The following SLC5A11 variants were observed in gnomAD, a reference collection of about 807,000 sequenced individuals.
SLC5A11 encodes the protein sodium/myo-inositol cotransporter 2.
In SLC5A11, 48 loss-of-function variants were observed where a neutral mutation model predicts 69.8. That is an observed-to-expected ratio of 0.69 (90% CI 0.55 to 0.87). The LOEUF (loss-of-function observed/expected upper bound fraction) is 0.87. Ranked by LOEUF, SLC5A11 falls within the 40% of genes least tolerant of loss-of-function variation. The pLI, the probability that SLC5A11 is intolerant of heterozygous loss-of-function variation, is 0.00. For missense variants in SLC5A11, 784 were observed against 866.1 expected, an observed-to-expected ratio of 0.91 and a Z score of 1.19; for synonymous variants, 319 against 342.4, an observed-to-expected ratio of 0.93 and a Z score of 0.75.
intron 7 of SLC5A11, among the ~76,000 whole-genome samples, chr16:24,882,209 C>T (rs1486330607): frequency 2.0e-5 from 3 of 152,116 alleles, no homozygotes; most frequent in East Asian, 1.9e-4. Context: ...GGGAGCTCAC[C>T]GGCTATTTGG....
chr16:24,875,759 C>A, intron 6 of SLC5A11, 28 bp downstream of exon 7: 2 of 1,568,598 alleles, frequency 1.3e-6, no homozygotes, highest in East Asian at 2.2e-5. Context: ...CCTGGCCTCA[C>A]CCATGCAGCA....
At chr16:24,873,247 GAGGAAGGAAGGAAGGA>G (rs549215226) in intron 5 of SLC5A11, among the ~76,000 whole-genome samples, 1,102 of 101,476 alleles carry the variant, frequency 0.011, 23 homozygotes, top group African/African-American at 0.032. Flanking sequence ...GAGAGGGAGG[GAGGAAGGAAGGAAGGA>G]AGGAAGGAAG....
chr16:24,884,076 G>A, exon 8 of SLC5A11: 1 of 1,614,042 alleles, frequency 6.2e-7, no homozygotes, highest in South Asian at 1.1e-5. Flanking sequence ...TGATCTACAC[G>A]GATGCCCTGC....
chr16:24,901,564 A>T (rs2049594791), intron 10 of SLC5A11, among the ~76,000 whole-genome samples: 1 of 151,186 alleles, frequency 6.6e-6, no homozygotes, highest in South Asian at 2.1e-4. Context: ...GCAGTGAGCC[A>T]TGATCAGTGC....
intron 1 of SLC5A11, among the ~76,000 whole-genome samples, chr16:24,850,367 C>G (rs957607683): frequency 6.6e-6 from 1 of 152,210 alleles, no homozygotes; most frequent in African/African-American, 2.4e-5. Flanking sequence ...CAGTTCTAGT[C>G]CCAGACAGCC....
intron 7 of SLC5A11, among the ~76,000 whole-genome samples, chr16:24,879,294 G>A (rs533973787): frequency 6.6e-5 from 10 of 152,172 alleles, no homozygotes; most frequent in East Asian, 3.9e-4. Flanking sequence ...TCTGGGGTAC[G>A]AATGGATCCA....
At chr16:24,846,347 G>A (rs911595289) in exon 1 of SLC5A11, 8 of 152,436 alleles carry the variant, frequency 5.2e-5, no homozygotes, top group African/African-American at 1.9e-4. Flanking sequence ...GAGGATCCCG[G>A]GTATCTCCCT....
intron 1 of SLC5A11, among the ~76,000 whole-genome samples, chr16:24,857,396 C>T (rs1260273553): frequency 2.0e-5 from 3 of 152,232 alleles, no homozygotes; most frequent in African/African-American, 7.2e-5. Context: ...GCTGCTTTAA[C>T]AAATTACCAT....
intron 3 of SLC5A11, among the ~76,000 whole-genome samples, chr16:24,867,242 A>G (rs544745216): frequency 6.6e-6 from 1 of 152,282 alleles, no homozygotes; most frequent in Admixed American, 6.5e-5. Context: ...CCAAATACAT[A>G]TCAATTAAAC....
intron 4 of SLC5A11, among the ~76,000 whole-genome samples, chr16:24,871,228 T>A (rs1308366494): frequency 1.3e-5 from 2 of 152,116 alleles, no homozygotes; most frequent in Non-Finnish European, 2.9e-5. Context: ...AGTTGCTTTT[T>A]GTGTGACCTT....
At chr16:24,856,259 G>A (rs553751476) in intron 1 of SLC5A11, among the ~76,000 whole-genome samples, 10 of 151,120 alleles carry the variant, frequency 6.6e-5, no homozygotes, top group East Asian at 2.1e-4. Context: ...TCATGTGGGC[G>A]AAAATCCCAT....
chr16:24,894,263 A>G (rs1456376507), intron 9 of SLC5A11, among the ~76,000 whole-genome samples: 2 of 152,184 alleles, frequency 1.3e-5, no homozygotes. Flanking sequence ...ATTTCTGTGC[A>G]GATGCCTGCT....
intron 9 of SLC5A11, 31 bp downstream of exon 10, chr16:24,891,105 C>T (rs1597209865): frequency 1.3e-6 from 2 of 1,596,672 alleles, no homozygotes; most frequent in South Asian, 2.2e-5. Context: ...CAAGTTTTTC[C>T]TTCTCTTTGC....
At chr16:24,881,970 C>G (rs956234267) in intron 7 of SLC5A11, among the ~76,000 whole-genome samples, 6 of 152,168 alleles carry the variant, frequency 3.9e-5, no homozygotes, top group African/African-American at 1.4e-4. Context: ...TTGACAAAAT[C>G]TAACATATGC....
At chr16:24,855,671 A>AAAATAAAT (rs58100997) in intron 1 of SLC5A11, among the ~76,000 whole-genome samples, 4,853 of 150,060 alleles carry the variant, frequency 0.032, 190 homozygotes, top group African/African-American at 0.096. Context: ...ACCTTGTCTC[A>AAAATAAAT]AAATAAATAA....
chr16:24,855,821 G>T (rs1002105763), intron 1 of SLC5A11, among the ~76,000 whole-genome samples: 1 of 152,142 alleles, frequency 6.6e-6, no homozygotes, highest in Non-Finnish European at 1.5e-5. Context: ...CTGACAGCTC[G>T]ATCTTGGACT....
chr16:24,893,414 C>T (rs2048946842), intron 9 of SLC5A11, among the ~76,000 whole-genome samples: 1 of 151,824 alleles, frequency 6.6e-6, no homozygotes, highest in South Asian at 2.1e-4. Flanking sequence ...GACAGTTGAC[C>T]CATTCTGCCA....
chr16:24,881,680 G>A (rs1018791493), intron 7 of SLC5A11, among the ~76,000 whole-genome samples: 4 of 152,160 alleles, frequency 2.6e-5, no homozygotes, highest in African/African-American at 9.6e-5. Context: ...ATGCAGGGGA[G>A]GAGAATTCCA....
At chr16:24,875,384 A>G (rs2047602315) in intron 5 of SLC5A11, among the ~76,000 whole-genome samples, 1 of 123,854 alleles carries the variant, frequency 8.1e-6, no homozygotes, top group Non-Finnish European at 1.7e-5. Flanking sequence ...GGGTTTCACC[A>G]TGTTGCCCAG....
Sources: allele counts gnomAD v4.1 joint callset (sites outside exome capture counted in the v4.1 genomes callset), GRCh38; gene constraint gnomAD v4.1.1; transcripts MANE v1.5; gene names NCBI Gene and HGNC (gene_info 2026-07-23, HGNC 2026-07-21).